The following IL6ST variants were observed in gnomAD, a reference collection of about 807,000 sequenced individuals.
IL6ST encodes the protein interleukin-6 receptor subunit beta.
Under a neutral mutation model 91.3 loss-of-function variants are expected in IL6ST, and 24 were observed. That is an observed-to-expected ratio of 0.26 (90% CI 0.19 to 0.37). The LOEUF (loss-of-function observed/expected upper bound fraction) is 0.37, where lower values mean the gene tolerates loss of function less well. Ranked by LOEUF, IL6ST falls within the 10% of genes least tolerant of loss-of-function variation. IL6ST has a pLI of 1.00. For synonymous variants in IL6ST, 351 were observed against 373.6 expected (o/e 0.94, Z 0.70); for missense variants, 914 against 1,078.5 (o/e 0.85, Z 2.14).
At chr5:55,964,381 C>T in intron 5 of IL6ST, 69 bp from the exon 6 acceptor site, 1 of 1,153,446 alleles carries the variant, frequency 8.7e-7, no homozygotes, top group Non-Finnish European at 1.3e-6. Flanking sequence ...AAAAAAATTA[C>T]TTGCAAAGAG....
chr5:55,985,930 G>C (rs1204309671), intron 1 of IL6ST, among the ~76,000 whole-genome samples: 1 of 152,208 alleles, frequency 6.6e-6, no homozygotes, highest in Non-Finnish European at 1.5e-5. Flanking sequence ...AGGGGTGGCT[G>C]TGTTCTAACA....
intron 5 of IL6ST, among the ~76,000 whole-genome samples, chr5:55,967,309 C>CAAAAAAAAAAAAAAAAAAAA (rs60547666): frequency 3.1e-5 from 1 of 31,904 alleles, no homozygotes; most frequent in Non-Finnish European, 4.7e-5. Flanking sequence ...GACTCCATCT[C>CAAAAAAAAAAAAAAAAAAAA]AAAAAAAAAA....
intron 2 of IL6ST, chr5:55,978,363 T>C (rs933313404): frequency 6.6e-6 from 1 of 152,214 alleles, no homozygotes; most frequent in Non-Finnish European, 1.5e-5. Context: ...ACATTATCTG[T>C]ATCTTTGAAG....
intron 2 of IL6ST, among the ~76,000 whole-genome samples, chr5:55,977,664 A>G (rs1188226960): frequency 6.6e-6 from 1 of 152,128 alleles, no homozygotes; most frequent in Non-Finnish European, 1.5e-5. Flanking sequence ...CATCTCTATT[A>G]AAAATACAAA....
Position 55,952,317 on chromosome 5 carries a change from T to G in IL6ST, c.1485A>C (p.Thr495=). ...NLAESKCYLI[T]VTPVYADGPG... is the part of the protein sequence containing the mutation. ...GTCCATCAGCATATACTGGAGTAAC[T>G]GTTATCAAATAGCATTTGCTCTCTG... The change falls in exon 12 of 17, where the codon ACA becomes ACC. Residue 495 remains threonine, a synonymous_variant. Transcript: ENST00000381298. 1.9e-6 allele frequency: 3 copies of G among 1,603,938 alleles called. No homozygotes were observed. Among genetic ancestry groups the G allele is most frequent in the Non-Finnish European group, 2.6e-6 (3 of 1,172,478 alleles).
At chr5:55,962,627 G>C (rs753048883) in intron 7 of IL6ST, among the ~76,000 whole-genome samples, 2 of 152,108 alleles carry the variant, frequency 1.3e-5, no homozygotes, top group Non-Finnish European at 2.9e-5. Flanking sequence ...CTGTAGAATA[G>C]AGACAATATG....
intron 1 of IL6ST, among the ~76,000 whole-genome samples, chr5:55,992,889 T>C (rs543436439): frequency 6.6e-6 from 1 of 152,346 alleles, no homozygotes; most frequent in East Asian, 1.9e-4. Context: ...TTGTAGTTTT[T>C]TTCGTATAAG....
intron 1 of IL6ST, among the ~76,000 whole-genome samples, chr5:55,985,027 TTTCTCA>T (rs578209757): frequency 2.0e-5 from 3 of 152,234 alleles, no homozygotes; most frequent in Non-Finnish European, 4.4e-5. Context: ...GGTTTCCTGT[TTTCTCA>T]TTAAGTTTTG....
chr5:55,952,266 T>C lies in IL6ST; in HGVS notation c.1536A>G (p.Ala512=), dbSNP rs764031965. 1.9e-5 allele frequency: 30 copies of C among 1,609,308 alleles called. No individual in the cohort carries two copies. The East Asian group carries it at 6.0e-4, about 32-fold the overall frequency. The change falls in exon 12 of 17, where the codon GCA becomes GCG. Residue 512 remains alanine, a synonymous_variant. Transcript: ENST00000381298. Reference sequence around the variant, plus strand: ...TGGACTTACGAGCTTGTTTAAGGTATGCCTTTATGGATTCAGGGCTTCCTG... The same window carrying C: ...TGGACTTACGAGCTTGTTTAAGGTACGCCTTTATGGATTCAGGGCTTCCTG... ...DGPGSPESIK[A]YLKQAPPSKG...
intron 8 of IL6ST, among the ~76,000 whole-genome samples, chr5:55,959,451 G>A (rs536660764): frequency 2.6e-5 from 4 of 152,164 alleles, no homozygotes; most frequent in Non-Finnish European, 5.9e-5. Flanking sequence ...AGATGAGTCT[G>A]TGATAGGAAG....
Position 55,954,804 on chromosome 5 carries a change from G to C in IL6ST, c.1450+6C>G. ...TATCAATTTAGATGTTTCTAGCCAG[G>C]TATACCTCTTAAATAGGTGCGATGC... On this transcript the variant is annotated splice_donor_region_variant and intron_variant, in intron 11 of 16. Transcript: ENST00000381298. 6.3e-7 allele frequency: 1 copy of C among 1,593,550 alleles called. No individual in the cohort carries two copies. Among genetic ancestry groups the C allele is most frequent in the Non-Finnish European group, 8.5e-7 (1 of 1,170,000 alleles).
At chr5:55,969,323 G>C (rs1291535007) in intron 4 of IL6ST, among the ~76,000 whole-genome samples, 3 of 150,414 alleles carry the variant, frequency 2.0e-5, no homozygotes, top group Admixed American at 6.6e-5. Context: ...TTCCTGTGGT[G>C]GGGGGGGTCT....
intron 16 of IL6ST, among the ~76,000 whole-genome samples, chr5:55,942,104 A>ATT (rs1750958790): frequency 6.6e-6 from 1 of 152,238 alleles, no homozygotes; most frequent in Non-Finnish European, 1.5e-5. Flanking sequence ...ACTAGAAAAC[A>ATT]TTAAGGAAAA....
intron 14 of IL6ST, among the ~76,000 whole-genome samples, chr5:55,948,634 A>G (rs1490820959): frequency 1.3e-5 from 2 of 151,832 alleles, no homozygotes; most frequent in South Asian, 2.1e-4. Flanking sequence ...GTATGTGTGT[A>G]TATATATATA....
chr5:55,951,847 A>G (rs557257719), intron 13 of IL6ST, 82 bp downstream of exon 13: 15 of 902,364 alleles, frequency 1.7e-5, no homozygotes, highest in East Asian at 1.5e-4. Flanking sequence ...TATAAGATGT[A>G]TAAGAAGAAC....
intron 1 of IL6ST, chr5:55,994,010 C>T (rs755975577): frequency 4.7e-5 from 6 of 126,384 alleles, no homozygotes; most frequent in Non-Finnish European, 9.5e-5. Flanking sequence ...TGTTGAAATA[C>T]TTCACAAACT....
In IL6ST at chr5:55,957,239, T is replaced by G; in HGVS notation, c.1026A>C (p.Gln342His). 6.4e-7 allele frequency: 1 copy of G among 1,568,432 alleles called. No homozygotes were observed. Among genetic ancestry groups the G allele is most frequent in the Middle Eastern group, 1.7e-4 (1 of 5,954 alleles). The change falls in exon 9 of 17, where the codon CAA (glutamine) becomes CAC (histidine). Residue 342 changes from glutamine (Q) to histidine (H), a missense_variant. By Grantham distance (24) the Gln-to-His change is conservative. Transcript: ENST00000381298. ...FWYKIDPSHTQGYRTVQLVWK... is the reference protein window; with the variant it reads ...FWYKIDPSHTHGYRTVQLVWK... ...ACACGAGTTGTACAGTTCTGTAGCC[T>G]TGAGTATGGGATGGATCTATTTTAT...
chr5:55,943,098 A>G (rs988743254), intron 15 of IL6ST, among the ~76,000 whole-genome samples: 4 of 152,142 alleles, frequency 2.6e-5, no homozygotes, highest in African/African-American at 9.7e-5. Flanking sequence ...TCCAGATAAC[A>G]AATTAATGTT....
At chr5:55,991,082 C>T (rs1025695992) in intron 1 of IL6ST, among the ~76,000 whole-genome samples, 4 of 152,134 alleles carry the variant, frequency 2.6e-5, no homozygotes, top group African/African-American at 7.2e-5. Context: ...TCCTTTTTTA[C>T]GGCTGCATAG....
Sources: allele counts gnomAD v4.1 joint callset (sites outside exome capture counted in the v4.1 genomes callset), GRCh38; gene constraint gnomAD v4.1.1; transcripts MANE v1.5; gene names NCBI Gene and HGNC (gene_info 2026-07-23, HGNC 2026-07-21).